Variants in CACNA2D2 observed in about 807,000 individuals in gnomAD.
CACNA2D2 encodes the protein calcium voltage-gated channel auxiliary subunit alpha2delta 2, also known as voltage-dependent calcium channel subunit alpha-2/delta-2.
A neutral mutation model predicts 166.4 loss-of-function variants in CACNA2D2; 48 were observed. That is an observed-to-expected ratio of 0.29 (90% CI 0.23 to 0.37). CACNA2D2 has a LOEUF of 0.37. CACNA2D2 is among the 10% of genes least tolerant of loss of function. The probability of loss-of-function intolerance (pLI) is 1.00; values close to 1 mark genes in which losing one functional copy is unlikely to be tolerated. For missense variants in CACNA2D2, 1,122 were observed against 1,433.0 expected (o/e 0.78, Z 3.50); for synonymous variants, 561 against 573.7 (o/e 0.98, Z 0.32).
intron 2 of CACNA2D2, among the ~76,000 whole-genome samples, chr3:50,436,097 A>C (rs1378473305): frequency 6.6e-6 from 1 of 152,164 alleles, no homozygotes; most frequent in Non-Finnish European, 1.5e-5. Flanking sequence ...GAAACAGGAG[A>C]GGGAAGGTCA....
intron 4 of CACNA2D2, among the ~76,000 whole-genome samples, chr3:50,390,744 C>T (rs1003207332): frequency 6.6e-6 from 1 of 152,208 alleles, no homozygotes; most frequent in Non-Finnish European, 1.5e-5. Context: ...GACATACATT[C>T]TCCTTAGCAG....
chr3:50,386,848 G>A (rs935132311), intron 5 of CACNA2D2, among the ~76,000 whole-genome samples: 1 of 152,196 alleles, frequency 6.6e-6, no homozygotes, highest in Non-Finnish European at 1.5e-5. Context: ...TCAGGCAGAG[G>A]GTCTTGGGCC....
chr3:50,385,840 C>T (rs1705575273), intron 5 of CACNA2D2, among the ~76,000 whole-genome samples: 1 of 152,186 alleles, frequency 6.6e-6, no homozygotes, highest in Admixed American at 6.5e-5. Context: ...GAGAAGAAAG[C>T]CCCCGAAATG....
At chr3:50,429,592 CAAAA>C (rs1160685582) in intron 3 of CACNA2D2, among the ~76,000 whole-genome samples, 33 of 52,642 alleles carry the variant, frequency 6.3e-4, no homozygotes, top group African/African-American at 1.7e-3. Flanking sequence ...ACTAAAAATA[CAAAA>C]AAAAAAAAAA....
chr3:50,469,326 C>A (rs1308367770), intron 2 of CACNA2D2, among the ~76,000 whole-genome samples: 1 of 152,088 alleles, frequency 6.6e-6, no homozygotes, highest in Admixed American at 6.5e-5. Flanking sequence ...CGCTGGTCCA[C>A]AGGCCCTATT....
At position 50,365,002 on chromosome 3, in the gene CACNA2D2, C is replaced by T. The variant is rs771034623; in HGVS notation, c.3209-32G>A. 1 of 1,497,150 alleles carries T rather than the reference C, an allele frequency of 6.7e-7. No homozygotes were observed. Among genetic ancestry groups the T allele is most frequent in the Non-Finnish European group, 9.0e-7 (1 of 1,109,728 alleles). 92.7% of individuals were successfully genotyped at this position (1,497,150 alleles called of 1,614,324 possible). On this transcript the variant is annotated intron_variant, in intron 36 of 37. Transcript: ENST00000424201. This position sits in a 1 kb window ranked among gnomAD's most constrained non-coding sequence, Gnocchi z 4.5. ...ATGGGTGGGGAGTCAAGGAGGCGGA[C>T]GGCGGCGGCGGCACGGAGGGGGCGC...
At chr3:50,503,819 T>G (rs867520126), upstream of CACNA2D2, among the ~76,000 whole-genome samples, 3 of 150,456 alleles carry the variant, frequency 2.0e-5, no homozygotes, top group Non-Finnish European at 3.0e-5. Context: ...CCTGCCCTAC[T>G]GGCTCGGGCG....
chr3:50,376,067 C>T lies in CACNA2D2; in HGVS notation c.1702-33G>A. 4 of 1,613,280 alleles carry T rather than the reference C, an allele frequency of 2.5e-6. No individual in the cohort carries two copies. The highest frequency in any genetic ancestry group is 3.4e-6 in the Non-Finnish European group (4 of 1,179,992). On this transcript the variant is annotated intron_variant, in intron 18 of 37. Coordinates refer to ENST00000424201, the MANE Select transcript of CACNA2D2 (RefSeq NM_006030.4). The surrounding 1 kb of genome is among the most constrained non-coding windows in gnomAD (Gnocchi z 4.3). ...AGGCAGGGTGGGAAGTCAGAAGTCC[C>T]CATTGTGGAAGGTTTGCCCACCCTC...
chr3:50,485,232 C>G (rs1698227590), intron 1 of CACNA2D2, among the ~76,000 whole-genome samples: 3 of 152,140 alleles, frequency 2.0e-5, no homozygotes, highest in Admixed American at 2.0e-4. Flanking sequence ...CTACCCTCAC[C>G]CCCATGGAGC....
chr3:50,399,471 T>C (rs969347904), intron 3 of CACNA2D2, among the ~76,000 whole-genome samples: 2 of 152,082 alleles, frequency 1.3e-5, no homozygotes, highest in Non-Finnish European at 2.9e-5. Context: ...TGATGGAGCG[T>C]GGGCTCTGGG....
chr3:50,486,173 G>A (rs367691718), intron 1 of CACNA2D2, among the ~76,000 whole-genome samples: 11 of 152,166 alleles, frequency 7.2e-5, no homozygotes, highest in Admixed American at 5.9e-4. Flanking sequence ...TGAAATGGGG[G>A]AGCCACGCCC....
chr3:50,488,639 C>A (rs532722941), intron 1 of CACNA2D2, among the ~76,000 whole-genome samples: 8 of 150,622 alleles, frequency 5.3e-5, no homozygotes, highest in South Asian at 4.2e-4. Context: ...CCCTCTACCA[C>A]CCCCCTAGCA....
intron 5 of CACNA2D2, among the ~76,000 whole-genome samples, chr3:50,384,797 C>T (rs1376318928): frequency 1.3e-5 from 2 of 152,224 alleles, no homozygotes; most frequent in Admixed American, 1.3e-4. Context: ...CCTGCCCAGC[C>T]CCTTCATGGA....
At chr3:50,409,400 T>C (rs1706883354) in intron 3 of CACNA2D2, among the ~76,000 whole-genome samples, 1 of 152,230 alleles carries the variant, frequency 6.6e-6, no homozygotes, top group South Asian at 2.1e-4. Flanking sequence ...GCCCCATGGC[T>C]GGTTGACCAA....
chr3:50,422,131 C>T (rs537644159), intron 3 of CACNA2D2, among the ~76,000 whole-genome samples: 1 of 152,206 alleles, frequency 6.6e-6, no homozygotes, highest in East Asian at 1.9e-4. Context: ...CTCACCTTAT[C>T]CTGAGTCAAC....
intron 3 of CACNA2D2, among the ~76,000 whole-genome samples, chr3:50,400,684 G>A (rs891834493): frequency 1.3e-5 from 2 of 152,296 alleles, no homozygotes; most frequent in East Asian, 3.9e-4. Flanking sequence ...CTTTCCTGTC[G>A]GGTGCACTGT....
Position 50,384,335 on chromosome 3 carries a change from G to C in CACNA2D2, c.513C>G (p.Asp171Glu), listed in dbSNP as rs202245003. The change falls in exon 6 of 38, where the codon GAC becomes GAG. Residue 171 changes from aspartate (D) to glutamate (E), a missense_variant and splice_region_variant. Asp to Glu is a conservative substitution (Grantham distance 45, BLOSUM62 2). Transcript: ENST00000424201. ...YYDAKADAEL[D>E]DPESEDVERG... ...TTTCCACATCCTCACTCTCAGGGTC[G>C]TCCTGCAGAAAGGGCACCCCCGAGC... 7 of 1,613,622 alleles carry C rather than the reference G, an allele frequency of 4.3e-6. No individual in the cohort carries two copies. In the South Asian group the frequency reaches 7.7e-5, roughly 18 times the overall value.
intron 3 of CACNA2D2, among the ~76,000 whole-genome samples, chr3:50,409,498 A>T (rs1243282662): frequency 6.6e-6 from 1 of 152,254 alleles, no homozygotes; most frequent in Non-Finnish European, 1.5e-5. Context: ...ACCCAGCACC[A>T]GCACCGCCTG....
chr3:50,497,134 G>A (rs1035809027), intron 1 of CACNA2D2, among the ~76,000 whole-genome samples: 3 of 152,170 alleles, frequency 2.0e-5, no homozygotes, highest in African/African-American at 7.2e-5. Context: ...GGGAGGTCCA[G>A]GCACCCTCAC....
Sources: allele counts gnomAD v4.1 joint callset (sites outside exome capture counted in the v4.1 genomes callset), GRCh38; gene constraint gnomAD v4.1.1; non-coding constraint Gnocchi (gnomAD v3.1); transcripts MANE v1.5; gene names NCBI Gene and HGNC (gene_info 2026-07-23, HGNC 2026-07-21).